The following REEP1 variants were observed in gnomAD, a reference collection of about 807,000 sequenced individuals.
REEP1 encodes the protein receptor accessory protein 1.
REEP1 carries 22 observed loss-of-function variants against 40.3 expected under a neutral mutation model. The ratio of observed to expected loss-of-function variants is 0.55; its 90% CI spans 0.39 to 0.78. The LOEUF (loss-of-function observed/expected upper bound fraction) is 0.78, where lower values mean the gene tolerates loss of function less well. REEP1 is among the 30% of genes least tolerant of loss of function. REEP1 has a pLI of 0.00. For synonymous variants in REEP1, 116 were observed against 139.2 expected, an observed-to-expected ratio of 0.83 and a Z score of 1.17; for missense variants, 280 against 361.1, an observed-to-expected ratio of 0.78 and a Z score of 1.82.
At chr2:86,311,168 C>T (rs1192832341) in intron 1 of REEP1, among the ~76,000 whole-genome samples, 1 of 152,104 alleles carries the variant, frequency 6.6e-6, no homozygotes, top group Non-Finnish European at 1.5e-5. Context: ...AACACCAATG[C>T]AAACTTCTAG....
chr2:86,264,049 A>G lies in REEP1; in HGVS notation c.106-8T>C. 1 of 1,605,184 alleles carries G rather than the reference A, an allele frequency of 6.2e-7. No individual in the cohort carries two copies. Among genetic ancestry groups the G allele is most frequent in the Non-Finnish European group, 8.5e-7 (1 of 1,171,908 alleles). On this transcript the variant is annotated splice_polypyrimidine_tract_variant and splice_region_variant and intron_variant, in intron 2 of 8. Coordinates refer to ENST00000538924, the MANE Select transcript of REEP1 (RefSeq NM_001371279.1). ...GTACATCATCCATTTGACCTGTTGA[A>G]ACAGAAAGCAACACAGCTGGTAGAA...
chr2:86,234,162 C>T (rs765859706), intron 5 of REEP1, among the ~76,000 whole-genome samples: 8 of 151,272 alleles, frequency 5.3e-5, no homozygotes, highest in Non-Finnish European at 1.0e-4. Flanking sequence ...AAGGAGCAGA[C>T]GCAAAATGAG....
At chr2:86,281,654 T>C (rs573435655) in intron 2 of REEP1, among the ~76,000 whole-genome samples, 13 of 152,070 alleles carry the variant, frequency 8.5e-5, no homozygotes, top group Admixed American at 5.2e-4. Flanking sequence ...AAAACAGATA[T>C]AGGATGATAA....
At chr2:86,290,127 G>A (rs949632724) in intron 1 of REEP1, among the ~76,000 whole-genome samples, 14 of 152,170 alleles carry the variant, frequency 9.2e-5, no homozygotes, top group African/African-American at 3.4e-4. Context: ...CTCCTGAGTA[G>A]CTGGGATTAC....
intron 1 of REEP1, among the ~76,000 whole-genome samples, chr2:86,303,180 C>T (rs970160245): frequency 2.0e-5 from 3 of 149,740 alleles, no homozygotes; most frequent in Non-Finnish European, 4.4e-5. Flanking sequence ...GTAGCTAGGA[C>T]TACAGGAGTA....
chr2:86,264,117 C>G (rs1677018584), intron 2 of REEP1, 76 bp from the exon 3 acceptor site: 1 of 1,146,658 alleles, frequency 8.7e-7, no homozygotes, highest in Admixed American at 1.7e-5. Flanking sequence ...AAGAACAGGC[C>G]CCGGCGGCAG....
intron 2 of REEP1, among the ~76,000 whole-genome samples, chr2:86,276,464 C>T (rs1021577357): frequency 9.9e-5 from 15 of 152,188 alleles, no homozygotes; most frequent in African/African-American, 3.6e-4. Context: ...TCATCAAGGA[C>T]CCTCCTTTAT....
intron 3 of REEP1, among the ~76,000 whole-genome samples, chr2:86,258,321 C>A (rs1158648177): frequency 6.6e-6 from 1 of 152,224 alleles, no homozygotes; most frequent in Non-Finnish European, 1.5e-5. Flanking sequence ...TTTATTAGAA[C>A]ACTGTTATGC....
At chr2:86,334,722 C>T (rs1680932326) in intron 1 of REEP1, among the ~76,000 whole-genome samples, 1 of 152,130 alleles carries the variant, frequency 6.6e-6, no homozygotes, top group African/African-American at 2.4e-5. Context: ...GAGCCCAGAG[C>T]CCATCTGCTC....
chr2:86,308,335 G>T (rs928958946), intron 1 of REEP1, among the ~76,000 whole-genome samples: 15 of 152,172 alleles, frequency 9.9e-5, no homozygotes, highest in Admixed American at 3.3e-4. Context: ...TGTTTTAAAA[G>T]GTTGATGCCC....
chr2:86,286,489 T>C (rs1678406936), intron 1 of REEP1, among the ~76,000 whole-genome samples: 1 of 152,180 alleles, frequency 6.6e-6, no homozygotes, highest in South Asian at 2.1e-4. Flanking sequence ...CTTTGGGCCA[T>C]GGACTCTTCA....
At chr2:86,253,967 A>T (rs1219497502) in intron 4 of REEP1, among the ~76,000 whole-genome samples, 1 of 152,248 alleles carries the variant, frequency 6.6e-6, no homozygotes, top group Non-Finnish European at 1.5e-5. Context: ...TAAGACAATT[A>T]AAGGAAGCAA....
chr2:86,309,609 G>A (rs761413353), intron 1 of REEP1, among the ~76,000 whole-genome samples: 6 of 152,192 alleles, frequency 3.9e-5, no homozygotes, highest in Admixed American at 6.5e-5. Context: ...GTCTGTGATC[G>A]GGTGCCAGCA....
chr2:86,259,147 AGGCATGGT>A (rs1302285375), intron 3 of REEP1, among the ~76,000 whole-genome samples: 1 of 151,726 alleles, frequency 6.6e-6, no homozygotes, highest in East Asian at 2.0e-4. Flanking sequence ...AAAATTAGCC[AGGCATGGT>A]GGCACGTGCC....
At chr2:86,243,680 C>G (rs1322316592) in intron 5 of REEP1, among the ~76,000 whole-genome samples, 2 of 152,194 alleles carry the variant, frequency 1.3e-5, no homozygotes, top group Non-Finnish European at 2.9e-5. Flanking sequence ...TACGAGTTGA[C>G]TAATATTTGG....
chr2:86,334,661 A>C (rs545898395), intron 1 of REEP1, among the ~76,000 whole-genome samples: 4 of 152,312 alleles, frequency 2.6e-5, no homozygotes, highest in African/African-American at 9.6e-5. Flanking sequence ...CTAGAACCCC[A>C]ATATATAAGA....
In REEP1 at chr2:86,337,601, C is replaced by G. The variant is rs1289235600; in HGVS notation, c.-91G>C. 1 of 1,142,748 alleles carries G rather than the reference C, an allele frequency of 8.8e-7. No homozygotes were observed. Among genetic ancestry groups the G allele is most frequent in the Non-Finnish European group, 1.1e-6 (1 of 931,254 alleles). 70.8% of individuals were successfully genotyped at this position (1,142,748 alleles called of 1,614,324 possible). A position where few individuals can be genotyped will look rare whatever the true frequency, so the allele number is the denominator to read the frequency against. The stretch of plus-strand genomic sequence containing the variant: ...GCTGCGGCGTTCCCGGAACGTCAGT[C>G]AGCTCACGGCAGCCGCCGCCAGACT... On this transcript the variant is annotated 5_prime_UTR_variant, in exon 1 of 9. Transcript: ENST00000538924. The surrounding 1 kb of genome is among the most constrained non-coding windows in gnomAD (Gnocchi z 5.8).
At chr2:86,249,343 C>A (rs1291092384) in intron 5 of REEP1, among the ~76,000 whole-genome samples, 12 of 152,138 alleles carry the variant, frequency 7.9e-5, no homozygotes, top group African/African-American at 2.2e-4. Flanking sequence ...AAACACCGGC[C>A]TCCCCCTCCC....
In REEP1 at chr2:86,215,781, CGTCTGATAAG is replaced by C. The variant is rs887416599; in HGVS notation, c.*1248_*1257del. ...CTAAGCAATCCAGGCTTGTATAAAA[CGTCTGATAAG>C]GCCTGTAGTGCCCATTGAGTATGAG... On this transcript the variant is annotated 3_prime_UTR_variant, in exon 9 of 9. Transcript: ENST00000538924. 1.3e-5 allele frequency: 2 copies of C among 152,472 alleles called. No individual in the cohort carries two copies. The highest frequency in any genetic ancestry group is 2.9e-5 in the Non-Finnish European group (2 of 68,038). 9.4% of individuals were successfully genotyped at this position (152,472 alleles called of 1,614,324 possible).
Sources: allele counts gnomAD v4.1 joint callset (sites outside exome capture counted in the v4.1 genomes callset), GRCh38; gene constraint gnomAD v4.1.1; non-coding constraint Gnocchi (gnomAD v3.1); transcripts MANE v1.5; gene names NCBI Gene and HGNC (gene_info 2026-07-23, HGNC 2026-07-21).